The following FHOD3 variants were observed in gnomAD, a reference collection of about 807,000 sequenced individuals.
FHOD3 encodes FH1/FH2 domain-containing protein 3.
Under a neutral mutation model 173.0 loss-of-function variants are expected in FHOD3, and 90 were observed. That is an observed-to-expected ratio of 0.52 (90% CI 0.44 to 0.62). The LOEUF is 0.62. Among genes scored for constraint, FHOD3 ranks in the 20% least tolerant of loss-of-function variants. The pLI is 0.00. For missense variants in FHOD3, 1,945 were observed against 2,034.7 expected (o/e 0.96, Z 0.85); for synonymous variants, 828 against 823.0 (o/e 1.01, Z -0.10).
chr18:36,456,811 G>A (rs1332151265), intron 3 of FHOD3, among the ~76,000 whole-genome samples: 1 of 152,134 alleles, frequency 6.6e-6, no homozygotes, highest in Non-Finnish European at 1.5e-5. Context: ...ACACAGCTGA[G>A]ACTGTCATCC....
intron 5 of FHOD3, among the ~76,000 whole-genome samples, chr18:36,572,268 T>C (rs1321081885): frequency 6.6e-6 from 1 of 152,226 alleles, no homozygotes; most frequent in Non-Finnish European, 1.5e-5. Flanking sequence ...CACATTCTTC[T>C]TGAAAACACA....
At chr18:36,610,799 T>A (rs543381002) in intron 8 of FHOD3, among the ~76,000 whole-genome samples, 5 of 152,346 alleles carry the variant, frequency 3.3e-5, no homozygotes, top group South Asian at 4.1e-4. Context: ...AATTTTGGAA[T>A]GTGTGTCTTG....
At chr18:36,397,011 G>A (rs2048584651) in intron 3 of FHOD3, among the ~76,000 whole-genome samples, 2 of 151,838 alleles carry the variant, frequency 1.3e-5, no homozygotes, top group South Asian at 4.2e-4. Flanking sequence ...TTATATTACT[G>A]CTCCACTATT....
intron 3 of FHOD3, among the ~76,000 whole-genome samples, chr18:36,414,985 A>C (rs529798200): frequency 6.6e-6 from 1 of 152,170 alleles, no homozygotes; most frequent in Non-Finnish European, 1.5e-5. Context: ...TCAGTAGCCA[A>C]GGGACCTGGC....
chr18:36,769,208 A>T, intron 27 of FHOD3, 57 bp from the exon 28 acceptor site: 1 of 1,580,022 alleles, frequency 6.3e-7, no homozygotes, highest in Non-Finnish European at 8.6e-7. Flanking sequence ...ACTGCTGCAT[A>T]TATCTTTTGT....
chr18:36,573,007 A>G (rs1209866134), intron 5 of FHOD3, among the ~76,000 whole-genome samples: 2 of 151,134 alleles, frequency 1.3e-5, no homozygotes, highest in Non-Finnish European at 2.9e-5. Flanking sequence ...AATGTGCCGA[A>G]TTCTTGGAGC....
intron 10 of FHOD3, among the ~76,000 whole-genome samples, chr18:36,646,155 G>A (rs924274421): frequency 2.0e-5 from 3 of 152,008 alleles, no homozygotes; most frequent in Non-Finnish European, 4.4e-5. Context: ...TGTCTACAGA[G>A]GAAGTCTAAA....
chr18:36,561,981 G>T (rs1210186807), intron 5 of FHOD3, among the ~76,000 whole-genome samples: 1 of 143,376 alleles, frequency 7.0e-6, no homozygotes, highest in Non-Finnish European at 1.6e-5. Context: ...GTATTGTATT[G>T]TATTGTATTG....
chr18:36,331,858 G>A (rs942306886), intron 1 of FHOD3, among the ~76,000 whole-genome samples: 1 of 152,144 alleles, frequency 6.6e-6, no homozygotes, highest in Admixed American at 6.5e-5. Flanking sequence ...GAGGACCATG[G>A]GAGACAAACC....
At chr18:36,663,429 A>G (rs2036946896) in intron 14 of FHOD3, among the ~76,000 whole-genome samples, 1 of 152,106 alleles carries the variant, frequency 6.6e-6, no homozygotes, top group African/African-American at 2.4e-5. Flanking sequence ...CCTTCCTCCC[A>G]GTTTTTGGCT....
At chr18:36,608,257 A>G (rs1294327714) in intron 8 of FHOD3, among the ~76,000 whole-genome samples, 1 of 152,264 alleles carries the variant, frequency 6.6e-6, no homozygotes, top group Non-Finnish European at 1.5e-5. Flanking sequence ...GGAGTCCAAT[A>G]TCAAGATGCT....
intron 3 of FHOD3, among the ~76,000 whole-genome samples, chr18:36,483,060 CTCCAAGGCTCCCCA>C (rs1284290458): frequency 1.3e-5 from 2 of 152,176 alleles, no homozygotes; most frequent in East Asian, 3.9e-4. Flanking sequence ...TCAAATGCAG[CTCCAAGGCTCCCCA>C]TCCTGGCTCT....
In FHOD3 at chr18:36,501,931, G is replaced by T; in HGVS notation, c.338-1G>T. 6.3e-7 allele frequency: 1 copy of T among 1,594,138 alleles called. No individual in the cohort carries two copies. The highest frequency in any genetic ancestry group is 1.1e-5 in the South Asian group (1 of 87,778). ...TTTATATGTTTTATTCTTTATTTCA[G>T]AAAAACTATACAACTCCAGCGGACG... On this transcript the variant is annotated splice_acceptor_variant, in intron 3 of 28. Transcript: ENST00000590592. LOFTEE classifies it high-confidence loss of function.
chr18:36,406,190 T>A (rs1180849720), intron 3 of FHOD3, among the ~76,000 whole-genome samples: 1 of 152,138 alleles, frequency 6.6e-6, no homozygotes, highest in Non-Finnish European at 1.5e-5. Flanking sequence ...CATGGAATGC[T>A]CATCATGCTG....
At chr18:36,675,051 C>G (rs1360178106) in intron 14 of FHOD3, among the ~76,000 whole-genome samples, 2 of 152,144 alleles carry the variant, frequency 1.3e-5, no homozygotes, top group Non-Finnish European at 2.9e-5. Flanking sequence ...AGCTCAGTGT[C>G]TTCCCAGCGA....
intron 5 of FHOD3, among the ~76,000 whole-genome samples, chr18:36,514,378 G>A (rs2055843718): frequency 6.6e-6 from 1 of 152,172 alleles, no homozygotes; most frequent in South Asian, 2.1e-4. Flanking sequence ...GCAGCCGTCT[G>A]TGTGTCTAAA....
chr18:36,744,225 G>T (rs371202156), intron 23 of FHOD3, 32 bp downstream of exon 23: 3 of 1,591,168 alleles, frequency 1.9e-6, no homozygotes, highest in African/African-American at 1.4e-5. Flanking sequence ...AGTGGGCCTG[G>T]TCTCGCTGCA....
intron 28 of FHOD3, among the ~76,000 whole-genome samples, chr18:36,773,658 G>T (rs1370051461): frequency 6.6e-6 from 1 of 152,170 alleles, no homozygotes; most frequent in Non-Finnish European, 1.5e-5. Context: ...CTTCCAGGCT[G>T]TGTCTCACTG....
intron 17 of FHOD3, among the ~76,000 whole-genome samples, chr18:36,698,546 C>T (rs912958093): frequency 2.6e-5 from 4 of 152,038 alleles, no homozygotes; most frequent in African/African-American, 7.2e-5. Flanking sequence ...GCTATGGTCT[C>T]GCCACAGCAC....
Sources: gnomAD v4.1 joint callset for allele counts (sites outside exome capture counted in the v4.1 genomes callset) on GRCh38, gnomAD v4.1.1 for gene constraint, MANE v1.5 for transcripts, NCBI Gene and HGNC (gene_info 2026-07-23, HGNC 2026-07-21) for gene names.